NRG3: variants seen among roughly 807,000 people sequenced by gnomAD.
NRG3 encodes the protein pro-neuregulin-3, membrane-bound isoform.
In NRG3, 31 loss-of-function variants were observed where a neutral mutation model predicts 66.9. The ratio of observed to expected loss-of-function variants is 0.46; its 90% CI spans 0.35 to 0.63. The LOEUF is 0.63. Ranked by LOEUF, NRG3 falls within the 20% of genes least tolerant of loss-of-function variation. NRG3 has a pLI of 0.00. For synonymous variants in NRG3, 393 were observed against 359.4 expected (o/e 1.09, Z -1.06); for missense variants, 910 against 878.9 (o/e 1.04, Z -0.45).
intron 1 of NRG3, among the ~76,000 whole-genome samples, chr10:82,345,855 G>A (rs969177000): frequency 7.3e-5 from 11 of 150,962 alleles, no homozygotes; most frequent in African/African-American, 2.7e-4. Context: ...TCATGATTTG[G>A]CTCTCTGTTT....
intron 1 of NRG3, among the ~76,000 whole-genome samples, chr10:82,211,872 A>G (rs1027693648): frequency 2.0e-5 from 3 of 152,176 alleles, no homozygotes; most frequent in Admixed American, 2.0e-4. Context: ...ACACACCCCT[A>G]TACTAGAAAT....
At chr10:82,881,676 G>T (rs927391381) in intron 4 of NRG3, among the ~76,000 whole-genome samples, 1 of 152,176 alleles carries the variant, frequency 6.6e-6, no homozygotes, top group African/African-American at 2.4e-5. Flanking sequence ...TATGCTGTGA[G>T]ACATGGGCTA....
At chr10:81,941,055 T>G (rs187877467) in intron 1 of NRG3, among the ~76,000 whole-genome samples, 1 of 152,240 alleles carries the variant, frequency 6.6e-6, no homozygotes, top group East Asian at 1.9e-4. Flanking sequence ...CTTTAAAAGT[T>G]TAAAATGATA....
intron 1 of NRG3, among the ~76,000 whole-genome samples, chr10:81,943,910 T>C (rs1475965910): frequency 4.6e-5 from 7 of 152,292 alleles, no homozygotes; most frequent in Non-Finnish European, 1.0e-4. Flanking sequence ...GAACTACAGA[T>C]GACTTACCAC....
chr10:82,202,389 C>T (rs1270868236), intron 1 of NRG3, among the ~76,000 whole-genome samples: 1 of 152,090 alleles, frequency 6.6e-6, no homozygotes. Flanking sequence ...GTGAGTCTTC[C>T]TTGGTTTTTC....
intron 1 of NRG3, among the ~76,000 whole-genome samples, chr10:82,043,644 A>G (rs1020578465): frequency 3.3e-5 from 5 of 152,036 alleles, no homozygotes; most frequent in African/African-American, 1.2e-4. Context: ...TAACATAGGT[A>G]GGTATAACAC....
chr10:82,779,431 T>A (rs2060032949), intron 3 of NRG3, among the ~76,000 whole-genome samples: 1 of 152,142 alleles, frequency 6.6e-6, no homozygotes, highest in Non-Finnish European at 1.5e-5. Flanking sequence ...GGACCTACTC[T>A]ACTTCAGTGC....
At chr10:82,348,707 A>G (rs1170708054) in intron 1 of NRG3, among the ~76,000 whole-genome samples, 1 of 150,822 alleles carries the variant, frequency 6.6e-6, no homozygotes, top group African/African-American at 2.4e-5. Flanking sequence ...AGGTACACCA[A>G]TCAGACGTAG....
chr10:82,446,718 G>A (rs2090748251), intron 2 of NRG3, among the ~76,000 whole-genome samples: 1 of 152,118 alleles, frequency 6.6e-6, no homozygotes, highest in Non-Finnish European at 1.5e-5. Context: ...GGGCTGATCT[G>A]TGCAGTAAAC....
At chr10:82,683,499 G>A (rs1265802348) in intron 2 of NRG3, among the ~76,000 whole-genome samples, 1 of 152,080 alleles carries the variant, frequency 6.6e-6, no homozygotes, top group African/African-American at 2.4e-5. Flanking sequence ...CATTATTGTT[G>A]TCATTATATG....
At chr10:82,637,114 G>T (rs1294171589) in intron 2 of NRG3, among the ~76,000 whole-genome samples, 2 of 152,058 alleles carry the variant, frequency 1.3e-5, no homozygotes, top group Non-Finnish European at 2.9e-5. Context: ...TTTGTTTCAT[G>T]ATAGTAACTG....
At chr10:82,822,305 G>A (rs1196583317) in intron 3 of NRG3, among the ~76,000 whole-genome samples, 2 of 152,038 alleles carry the variant, frequency 1.3e-5, no homozygotes, top group African/African-American at 4.8e-5. Flanking sequence ...TGCAAGCAGA[G>A]CAGGACAGGT....
At chr10:82,295,204 A>G (rs1012053110) in intron 1 of NRG3, among the ~76,000 whole-genome samples, 1 of 152,222 alleles carries the variant, frequency 6.6e-6, no homozygotes, top group Admixed American at 6.5e-5. Context: ...AACTAATGCA[A>G]TGTTGACTGT....
intron 2 of NRG3, among the ~76,000 whole-genome samples, chr10:82,443,348 T>C (rs1213221124): frequency 6.8e-6 from 1 of 146,298 alleles, no homozygotes; most frequent in African/African-American, 2.7e-5. Context: ...ACCTGTATTG[T>C]TCTAGATGGT....
At chr10:82,244,044 A>G (rs1485447913) in intron 1 of NRG3, among the ~76,000 whole-genome samples, 1 of 152,208 alleles carries the variant, frequency 6.6e-6, no homozygotes, top group Non-Finnish European at 1.5e-5. Flanking sequence ...AGGTGTGCAG[A>G]CAGTTGCTTA....
intron 1 of NRG3, among the ~76,000 whole-genome samples, chr10:82,025,568 T>G (rs1006096483): frequency 4.6e-5 from 7 of 152,062 alleles, no homozygotes; most frequent in Non-Finnish European, 7.4e-5. Context: ...AAACTTTCCT[T>G]CCAGGAAGTT....
chr10:82,847,751 A>G (rs2063372185), intron 3 of NRG3, among the ~76,000 whole-genome samples: 1 of 152,200 alleles, frequency 6.6e-6, no homozygotes, highest in South Asian at 2.1e-4. Flanking sequence ...TTGCATTCCC[A>G]GTGCGTAGTC....
At position 82,303,191 on chromosome 10, in the gene NRG3, G is replaced by C. The variant is rs573317671; in HGVS notation, c.824-55548G>C. On this transcript the variant is annotated intron_variant, in intron 1 of 8. Coordinates refer to ENST00000372141, the MANE Select transcript of NRG3 (RefSeq NM_001010848.4). ...TGTTCACTCCATCTTCCACCTCAAAGCCTGGGTTTTATTAAAATAGTTCAG... is the reference window on the plus strand; with the variant it reads ...TGTTCACTCCATCTTCCACCTCAAACCCTGGGTTTTATTAAAATAGTTCAG... 5.3e-5 allele frequency among the ~76,000 whole-genome samples: 8 copies of C among 152,168 alleles called. No individual in the cohort carries two copies. In the South Asian group the frequency reaches 1.7e-3, roughly 32 times the overall value.
intron 1 of NRG3, among the ~76,000 whole-genome samples, chr10:82,126,457 C>T (rs1036828659): frequency 6.6e-6 from 1 of 151,912 alleles, no homozygotes; most frequent in East Asian, 1.9e-4. Flanking sequence ...TCTTTTGGCC[C>T]AGTAGATGTC....
Sources: gnomAD v4.1 joint callset for allele counts (sites outside exome capture counted in the v4.1 genomes callset) on GRCh38, gnomAD v4.1.1 for gene constraint, MANE v1.5 for transcripts, NCBI Gene and HGNC (gene_info 2026-07-23, HGNC 2026-07-21) for gene names.